Variants in DIAPH2 observed in about 807,000 individuals in gnomAD.
The protein encoded by DIAPH2 is protein diaphanous homolog 2.
DIAPH2 carries 35 observed loss-of-function variants against 92.7 expected under a neutral mutation model. The observed-to-expected ratio is 0.38, with a 90% confidence interval of 0.29 to 0.50. The LOEUF (loss-of-function observed/expected upper bound fraction) is 0.50, where lower values mean the gene tolerates loss of function less well. Among genes scored for constraint, DIAPH2 ranks in the 20% least tolerant of loss-of-function variants. The pLI is 0.94. For synonymous variants in DIAPH2, 301 were observed against 280.4 expected (o/e 1.07, Z -0.73); for missense variants, 701 against 819.5 (o/e 0.86, Z 1.77).
At chrX:97,098,205 G>A (rs2066881867) in intron 19 of DIAPH2, among the ~76,000 whole-genome samples, 1 of 111,392 alleles carries the variant, frequency 9.0e-6, no homozygotes, top group Non-Finnish European at 1.9e-5. Context: ...TGGAAAAATA[G>A]GTAACATAAA....
intron 5 of DIAPH2, among the ~76,000 whole-genome samples, chrX:96,901,113 T>G (rs967188426): frequency 1.8e-5 from 2 of 111,604 alleles, no homozygotes; most frequent in African/African-American, 3.3e-5. Context: ...TTGACAATTT[T>G]TTTTTATTAC....
chrX:97,077,635 C>T (rs954837301), intron 19 of DIAPH2, among the ~76,000 whole-genome samples: 3 of 111,888 alleles, frequency 2.7e-5, no homozygotes, highest in African/African-American at 9.7e-5. Flanking sequence ...GCTGGGCAGA[C>T]AACTGATAGA....
At chrX:96,901,366 A>T (rs767434415) in intron 5 of DIAPH2, among the ~76,000 whole-genome samples, 3 of 102,380 alleles carry the variant, frequency 2.9e-5, no homozygotes, top group Non-Finnish European at 6.0e-5. Context: ...TCTTTAATTA[A>T]TCTCGCTAAT....
At chrX:96,904,583 C>T (rs373275765) in intron 5 of DIAPH2, among the ~76,000 whole-genome samples, 24 of 111,117 alleles carry the variant, frequency 2.2e-4, no homozygotes, top group East Asian at 8.4e-4. Flanking sequence ...TTTATTTAGC[C>T]GAACAAATTT....
At chrX:97,345,443 A>G (rs186225382) in intron 23 of DIAPH2, among the ~76,000 whole-genome samples, 21 of 112,139 alleles carry the variant, frequency 1.9e-4, no homozygotes, top group African/African-American at 6.1e-4. Flanking sequence ...ATTGACTTCC[A>G]TTATAGAACT....
intron 7 of DIAPH2, among the ~76,000 whole-genome samples, chrX:96,916,024 T>C (rs181974498): frequency 8.9e-6 from 1 of 111,846 alleles, no homozygotes; most frequent in Admixed American, 9.5e-5. Context: ...TCTCTTTTTC[T>C]TCACCTTAAT....
intron 1 of DIAPH2, among the ~76,000 whole-genome samples, chrX:96,698,034 G>T (rs2063834638): frequency 9.0e-6 from 1 of 110,946 alleles, no homozygotes. Context: ...CCCACCACTG[G>T]GGAAAAAAAA....
At chrX:97,520,182 CT>C (rs1008567926) in intron 26 of DIAPH2, among the ~76,000 whole-genome samples, 12 of 112,438 alleles carry the variant, frequency 1.1e-4, no homozygotes, top group African/African-American at 3.5e-4. Flanking sequence ...TCTTCTTCAT[CT>C]TTTCCAATTG....
At chrX:96,942,371 C>A (rs2065710806) in intron 13 of DIAPH2, among the ~76,000 whole-genome samples, 1 of 110,613 alleles carries the variant, frequency 9.0e-6, no homozygotes, top group East Asian at 2.8e-4. Flanking sequence ...TTCCAACACT[C>A]CTGGAGGTAG....
At chrX:97,243,546 T>C (rs1291184317) in intron 22 of DIAPH2, among the ~76,000 whole-genome samples, 1 of 112,075 alleles carries the variant, frequency 8.9e-6, no homozygotes, top group Non-Finnish European at 1.9e-5. Context: ...CATAAATTTC[T>C]GTATAAGCTA....
At chrX:97,250,450 C>A (rs1340930355) in intron 23 of DIAPH2, among the ~76,000 whole-genome samples, 1 of 111,718 alleles carries the variant, frequency 9.0e-6, no homozygotes. Flanking sequence ...CAGGCTATGT[C>A]CTGGAGCACC....
chrX:97,240,605 C>CAAAAAAAAAAAAAAAAAAAAAAAAAA (rs774748522), intron 22 of DIAPH2, among the ~76,000 whole-genome samples: 1 of 67,991 alleles, frequency 1.5e-5, no homozygotes, highest in African/African-American at 5.8e-5. Flanking sequence ...GACTGCATCT[C>CAAAAAAAAAAAAAAAAAAAAAAAAAA]AAAAAAAAAA....
chrX:97,044,033 G>A (rs2147888493), intron 17 of DIAPH2, among the ~76,000 whole-genome samples: 1 of 111,792 alleles, frequency 8.9e-6, no homozygotes, highest in African/African-American at 3.2e-5. Context: ...AAATAGACTT[G>A]TACAAAGAAA....
chrX:97,382,638 G>A (rs1164474326), intron 24 of DIAPH2, among the ~76,000 whole-genome samples: 1 of 111,560 alleles, frequency 9.0e-6, no homozygotes, highest in Non-Finnish European at 1.9e-5. Context: ...CAATAGCCAG[G>A]TACCTTTGTG....
intron 23 of DIAPH2, among the ~76,000 whole-genome samples, chrX:97,298,918 T>A (rs956532103): frequency 9.0e-6 from 1 of 111,644 alleles, no homozygotes; most frequent in African/African-American, 3.3e-5. Flanking sequence ...GTGCCCAGCC[T>A]CTTAGTCCTT....
Position 97,603,433 on chromosome X carries a change from A to T in DIAPH2, c.*4116A>T, listed in dbSNP as rs2071606128. 9.1e-6 allele frequency: 1 copy of T among 109,850 alleles called. No individual in the cohort carries two copies. Among genetic ancestry groups the T allele is most frequent in the African/African-American group, 3.3e-5 (1 of 30,122 alleles). The allele number at this position is 109,850 out of a possible 1,213,427, so 9.1% of individuals were successfully genotyped here. ...CCACCATGCCTGGCTAATTTTTTGC[A>T]TTTTTTTGTAGAGACTTGATCTTGC... is the stretch of plus-strand genomic sequence containing the variant. On this transcript the variant is annotated 3_prime_UTR_variant, in exon 27 of 27. Coordinates refer to ENST00000324765, the MANE Select transcript of DIAPH2 (RefSeq NM_006729.5).
In DIAPH2 at chrX:96,972,089, C is replaced by A. The variant is rs565449707; in HGVS notation, c.2050+6882C>A. Among the ~76,000 whole-genome samples the A allele has an allele frequency of 3.6e-5, 4 of 111,658 alleles. No homozygotes were observed. The South Asian group carries it at 1.5e-3, about 42-fold the overall frequency. The stretch of plus-strand genomic sequence containing the variant: ...TAGGGCACCTTTTTCCCCCGGTTTG[C>A]TGTTCGTTGCAGCTCACTCAGCTGC... On this transcript the variant is annotated intron_variant, in intron 17 of 26. Coordinates refer to ENST00000324765, the MANE Select transcript of DIAPH2 (RefSeq NM_006729.5).
At chrX:97,145,774 C>G (rs2067242463) in intron 22 of DIAPH2, among the ~76,000 whole-genome samples, 1 of 110,636 alleles carries the variant, frequency 9.0e-6, no homozygotes, top group African/African-American at 3.3e-5. Flanking sequence ...TCAAAAAGAT[C>G]TTACGCACAT....
chrX:97,035,089 G>C (rs1030789361), intron 17 of DIAPH2, among the ~76,000 whole-genome samples: 2 of 111,891 alleles, frequency 1.8e-5, no homozygotes, highest in African/African-American at 6.5e-5. Context: ...ATAGGCCTTG[G>C]ATTCTGAAAT....
Sources: allele counts gnomAD v4.1 joint callset (sites outside exome capture counted in the v4.1 genomes callset), GRCh38; gene constraint gnomAD v4.1.1; transcripts MANE v1.5; gene names NCBI Gene and HGNC (gene_info 2026-07-23, HGNC 2026-07-21).